The following FGFR2 variants were observed in gnomAD, a reference collection of about 807,000 sequenced individuals.
The protein encoded by FGFR2 is fibroblast growth factor receptor 2.
In FGFR2, 19 loss-of-function variants were observed where a neutral mutation model predicts 95.9. The ratio of observed to expected loss-of-function variants is 0.20; its 90% confidence interval spans 0.14 to 0.29. The LOEUF is 0.29. Among genes scored for constraint, FGFR2 ranks in the 10% least tolerant of loss-of-function variants. FGFR2 has a pLI of 1.00. For missense variants in FGFR2, 707 were observed against 1,056.9 expected, an observed-to-expected ratio of 0.67 and a Z score of 4.59; for synonymous variants, 392 against 393.3, an observed-to-expected ratio of 1.00 and a Z score of 0.04.
At chr10:121,507,176 A>G (rs1367310715) in intron 9 of FGFR2, among the ~76,000 whole-genome samples, 1 of 152,186 alleles carries the variant, frequency 6.6e-6, no homozygotes, top group Non-Finnish European at 1.5e-5. Context: ...CAACTGCAAT[A>G]ACATGGGACT....
intron 2 of FGFR2, among the ~76,000 whole-genome samples, chr10:121,576,832 G>C (rs1182301674): frequency 1.3e-5 from 2 of 151,764 alleles, no homozygotes; most frequent in Non-Finnish European, 2.9e-5. Flanking sequence ...AAAGGCTGGG[G>C]GTGTTAAAGG....
intron 1 of FGFR2, among the ~76,000 whole-genome samples, chr10:121,596,859 A>G (rs1041072566): frequency 2.0e-5 from 3 of 152,054 alleles, no homozygotes; most frequent in African/African-American, 4.8e-5. Context: ...TTTAATTGAC[A>G]TTCCAGGGAA....
intron 2 of FGFR2, among the ~76,000 whole-genome samples, chr10:121,588,667 T>C (rs1862186248): frequency 6.6e-6 from 1 of 150,634 alleles, no homozygotes; most frequent in Non-Finnish European, 1.5e-5. Flanking sequence ...CTCACACTTG[T>C]AATCCCAGCA....
rs67778522 is a variant in FGFR2, at chr10:121,509,482, C to CTTTTTTT, written c.1288-5548_1288-5542dup. 3.4e-3 allele frequency among the ~76,000 whole-genome samples: 155 copies of CTTTTTTT among 45,350 alleles called. 3 individuals are homozygous for CTTTTTTT. Among genetic ancestry groups the CTTTTTTT allele is most frequent in the African/African-American group, 9.3e-3 (108 of 11,566 alleles). 29.8% of individuals were successfully genotyped at this position (45,350 alleles called of 152,430 possible). A position where few individuals can be genotyped will look rare whatever the true frequency, so the allele number is the denominator to read the frequency against. ...AGAAACAGTGTTATCTGTTTCTTTT[C>CTTTTTTT]TTTTTTTTTTTTTTTTTTTTTTTTT... is the stretch of plus-strand genomic sequence containing the variant. On this transcript the variant is annotated intron_variant, in intron 9 of 17. Transcript: ENST00000358487.
intron 2 of FGFR2, among the ~76,000 whole-genome samples, chr10:121,591,178 A>G (rs578146749): frequency 6.6e-6 from 1 of 152,350 alleles, no homozygotes; most frequent in South Asian, 2.1e-4. Context: ...TAGGGCTCAA[A>G]TCAGTGGCCA....
At chr10:121,526,262 A>G (rs772885786) in intron 6 of FGFR2, 7 of 398,492 alleles carry the variant, frequency 1.8e-5, no homozygotes, top group Non-Finnish European at 3.1e-5. Flanking sequence ...CTTTTTCTAA[A>G]GCCTGCCTAG....
chr10:121,497,658 CCATG>C (rs1325407989), intron 12 of FGFR2, among the ~76,000 whole-genome samples: 1 of 152,188 alleles, frequency 6.6e-6, no homozygotes, highest in Non-Finnish European at 1.5e-5. Context: ...AATAATTTCT[CCATG>C]GTATAGGCTC....
intron 6 of FGFR2, among the ~76,000 whole-genome samples, chr10:121,532,957 C>T (rs1384566225): frequency 2.0e-5 from 3 of 152,182 alleles, no homozygotes; most frequent in African/African-American, 7.2e-5. Flanking sequence ...GCCATCAAGT[C>T]AGGGCTGGTA....
At chr10:121,493,210 T>C (rs899136778) in intron 13 of FGFR2, among the ~76,000 whole-genome samples, 4 of 152,214 alleles carry the variant, frequency 2.6e-5, no homozygotes, top group African/African-American at 9.6e-5. Context: ...GCCTGGAAGA[T>C]GGTTAGCTTC....
Position 121,487,921 on chromosome 10 carries a change from G to C in FGFR2, c.1986+70C>G, listed in dbSNP as rs998976797. The C allele has an allele frequency of 1.0e-5, 16 of 1,599,842 alleles. No homozygotes were observed. In the Admixed American group the frequency reaches 1.0e-4, roughly 10 times the overall value. On this transcript the variant is annotated intron_variant, in intron 14 of 17. Coordinates refer to ENST00000358487, the MANE Select transcript of FGFR2 (RefSeq NM_000141.5). The stretch of plus-strand genomic sequence containing the variant: ...ATCCCACCCAGCTCTCAACATTGAC[G>C]GCCTTTCTTCCTGGAACATTCTGAG...
At chr10:121,585,751 A>G (rs982556733) in intron 2 of FGFR2, among the ~76,000 whole-genome samples, 21 of 152,336 alleles carry the variant, frequency 1.4e-4, no homozygotes, top group Admixed American at 5.2e-4. Context: ...TGCACAGAAG[A>G]TTCTTGTTCT....
At chr10:121,554,053 G>A (rs2134893879) in intron 4 of FGFR2, among the ~76,000 whole-genome samples, 1 of 152,270 alleles carries the variant, frequency 6.6e-6, no homozygotes, top group East Asian at 1.9e-4. Context: ...ACTTCCCTCG[G>A]GTGATATTTC....
At chr10:121,535,576 T>C (rs1852715679) in intron 6 of FGFR2, among the ~76,000 whole-genome samples, 1 of 152,236 alleles carries the variant, frequency 6.6e-6, no homozygotes, top group Admixed American at 6.5e-5. Context: ...TCCAGGGCTC[T>C]GGTACCACTC....
At chr10:121,565,292 C>T in intron 3 of FGFR2, 146 bp downstream of exon 3, 1 of 974,524 alleles carries the variant, frequency 1.0e-6, no homozygotes, top group Non-Finnish European at 1.6e-6. Flanking sequence ...TTCTGGTGCA[C>T]CAGGTCCCAA....
intron 6 of FGFR2, among the ~76,000 whole-genome samples, chr10:121,534,584 C>G (rs529452480): frequency 4.0e-5 from 6 of 151,722 alleles, no homozygotes; most frequent in African/African-American, 7.3e-5. Flanking sequence ...TTAGTAGAAA[C>G]GAGGTTTCAC....
At chr10:121,480,381 A>T in intron 17 of FGFR2, 2 of 389,704 alleles carry the variant, frequency 5.1e-6, no homozygotes, top group Middle Eastern at 7.7e-4. Flanking sequence ...TCGGCTTCAC[A>T]CGGACCTAAA....
chr10:121,592,972 C>T (rs1862897175), intron 2 of FGFR2, among the ~76,000 whole-genome samples: 1 of 152,184 alleles, frequency 6.6e-6, no homozygotes, highest in Non-Finnish European at 1.5e-5. Context: ...GAGAGAGGTT[C>T]CAAATCTGCT....
At chr10:121,522,274 A>G (rs1850670206) in intron 6 of FGFR2, among the ~76,000 whole-genome samples, 2 of 152,240 alleles carry the variant, frequency 1.3e-5, no homozygotes, top group Non-Finnish European at 2.9e-5. Flanking sequence ...GTTGAAGACC[A>G]GGCGCAGTGG....
intron 1 of FGFR2, among the ~76,000 whole-genome samples, 190 bp downstream of exon 1, chr10:121,597,772 C>G (rs1863679820): frequency 6.6e-6 from 1 of 152,252 alleles, no homozygotes; most frequent in Admixed American, 6.5e-5. Context: ...TTCCAGAACG[C>G]CGGCCGTCAG....
Sources: allele counts gnomAD v4.1 joint callset (sites outside exome capture counted in the v4.1 genomes callset), GRCh38; gene constraint gnomAD v4.1.1; transcripts MANE v1.5; gene names NCBI Gene and HGNC (gene_info 2026-07-23, HGNC 2026-07-21).